Variants in ARHGAP27 observed in about 807,000 individuals in gnomAD.
ARHGAP27 encodes the protein Rho GTPase activating protein 27, also known as rho GTPase-activating protein 27.
In ARHGAP27, 53 loss-of-function variants were observed where a neutral mutation model predicts 102.0. The ratio of observed to expected loss-of-function variants is 0.52; its 90% confidence interval spans 0.42 to 0.65. The LOEUF (loss-of-function observed/expected upper bound fraction) is 0.65, where lower values mean the gene tolerates loss of function less well. ARHGAP27 is among the 30% of genes least tolerant of loss of function. ARHGAP27 has a pLI of 0.00. For synonymous variants in ARHGAP27, 525 were observed against 542.8 expected (o/e 0.97, Z 0.46); for missense variants, 1,117 against 1,256.2 (o/e 0.89, Z 1.68).
chr17:45,418,758 C>T (rs950229065), intron 4 of ARHGAP27, among the ~76,000 whole-genome samples: 2 of 152,058 alleles, frequency 1.3e-5, no homozygotes, highest in Non-Finnish European at 2.9e-5. Context: ...CCAGGGGAAC[C>T]TTGGGGCAGG....
At chr17:45,397,134 T>C (rs2045844887) in intron 13 of ARHGAP27, 110 bp from the exon 14 acceptor site, 12 of 1,503,912 alleles carry the variant, frequency 8.0e-6, no homozygotes, top group African/African-American at 2.8e-5. Flanking sequence ...CTGGAGACCC[T>C]CAGCGAAGAG....
rs1281458069 is a variant in ARHGAP27 at position 45,430,292 on chromosome 17, GT to G, written c.-14del. 3 of 1,558,498 alleles carry G rather than the reference GT, an allele frequency of 1.9e-6. No individual in the cohort carries two copies. The highest frequency in any genetic ancestry group is 1.9e-5 in the Admixed American group (1 of 53,384). On this transcript the variant is annotated 5_prime_UTR_variant, in exon 4 of 20. Coordinates refer to ENST00000685559, the MANE Select transcript of ARHGAP27 (RefSeq NM_001282290.2). The surrounding 1 kb of genome is among the most constrained non-coding windows in gnomAD (Gnocchi z 4.4). Reference sequence around the variant, plus strand: ...CGTCCGCCGCCATCGCAGCCGCGGCGTTTTCCTGCGGGCAACAAGAAGGAGG... The same window carrying G: ...CGTCCGCCGCCATCGCAGCCGCGGCGTTTCCTGCGGGCAACAAGAAGGAGG...
rs1306389096 is a variant in ARHGAP27 at position 45,394,653 on chromosome 17, C to T, written c.*803G>A. On this transcript the variant is annotated 3_prime_UTR_variant, in exon 20 of 20. Coordinates refer to ENST00000685559, the MANE Select transcript of ARHGAP27 (RefSeq NM_001282290.2). The stretch of plus-strand genomic sequence containing the variant: ...AGGCTGTACTCTGGTGTGGGAGGAG[C>T]CTTTTCTGGGGAATGAGGTCACTCA... The T allele has an allele frequency of 6.6e-6, 1 of 152,312 alleles. No individual in the cohort carries two copies. Among genetic ancestry groups the T allele is most frequent in the Non-Finnish European group, 1.5e-5 (1 of 68,098 alleles). 9.4% of individuals were successfully genotyped at this position (152,312 alleles called of 1,614,324 possible).
chr17:45,408,934 G>A (rs1176216769), intron 4 of ARHGAP27: 2 of 152,252 alleles, frequency 1.3e-5, no homozygotes, highest in Non-Finnish European at 1.5e-5. Flanking sequence ...GATTCCATTT[G>A]CCCCCCAGCA....
At chr17:45,404,133 T>C in intron 9 of ARHGAP27, 37 bp from the exon 10 acceptor site, 6 of 1,612,786 alleles carry the variant, frequency 3.7e-6, no homozygotes, top group Non-Finnish European at 5.1e-6. Context: ...CAAGAGTGTG[T>C]AGTTAAGGGG....
rs1238952220 is a variant in ARHGAP27, at chr17:45,429,805, C to G, written c.475G>C (p.Asp159His). ...APVRPAQSLN[D>H]LACAAVSPPA... Reference sequence around the variant, plus strand: ...GGCGAGACGGCGGCGCAGGCCAGGTCGTTCAGGGACTGCGCGGGCCGCACG... The same window carrying G: ...GGCGAGACGGCGGCGCAGGCCAGGTGGTTCAGGGACTGCGCGGGCCGCACG... The change falls in exon 4 of 20, where the codon GAC (aspartate) becomes CAC (histidine). Residue 159 changes from aspartate (D) to histidine (H), a missense_variant. Asp to His is a moderately conservative substitution (Grantham distance 81, BLOSUM62 -1). Coordinates refer to ENST00000685559, the MANE Select transcript of ARHGAP27 (RefSeq NM_001282290.2). 1 of 1,505,284 alleles carries G rather than the reference C, an allele frequency of 6.6e-7. No homozygotes were observed. The allele number at this position is 1,505,284 out of a possible 1,614,324, so 93.2% of individuals were successfully genotyped here.
chr17:45,403,609 C>A lies in ARHGAP27; in HGVS notation c.1638+10G>T. The stretch of plus-strand genomic sequence containing the variant: ...ATGGGATGGTCCCTGCCCTGAGGGC[C>A]TGGCCTTACCAGGCCGCCTGCAGCC... On this transcript the variant is annotated intron_variant, in intron 11 of 19. Transcript: ENST00000685559. 1 of 1,609,704 alleles carries A rather than the reference C, an allele frequency of 6.2e-7. No individual in the cohort carries two copies. The highest frequency in any genetic ancestry group is 8.5e-7 in the Non-Finnish European group (1 of 1,177,144).
chr17:45,405,730 C>G lies in ARHGAP27; in HGVS notation c.1011G>C (p.Glu337Asp). 1 of 1,603,078 alleles carries G rather than the reference C, an allele frequency of 6.2e-7. No individual in the cohort carries two copies. Among genetic ancestry groups the G allele is most frequent in the Non-Finnish European group, 8.5e-7 (1 of 1,179,626 alleles). Residue 337 changes from glutamate (E) to aspartate (D), a missense_variant, in exon 5 of 20, where the codon GAG becomes GAC. Glu to Asp is a conservative substitution (Grantham distance 45). This residue lies in a region of ARHGAP27 where 610 missense variants were observed against 716.4 expected (regional missense o/e 0.85). Coordinates refer to ENST00000685559, the MANE Select transcript of ARHGAP27 (RefSeq NM_001282290.2). ...AWEDEAENEPEEELEMQPGLS... is the reference protein window; with the variant it reads ...AWEDEAENEPDEELEMQPGLS... ...GGCCCGGCTGCATCTCCAACTCCTC[C>G]TCGGGCTCGTTCTCGGCCTCGTCCT...
chr17:45,405,862 G>A lies in ARHGAP27; in HGVS notation c.879C>T (p.Ala293=), dbSNP rs1347232428. ...EGAASPATSP[A]SVDSHVSLET... is the part of the protein sequence containing the mutation. ...CAAGGCTCACGTGGCTGTCCACCGA[G>A]GCAGGGGAGGTGGCTGGGCTGGCGG... is the stretch of plus-strand genomic sequence containing the variant. The change falls in exon 5 of 20, where the codon GCC becomes GCT. Residue 293 remains alanine, a synonymous_variant. Coordinates refer to ENST00000685559, the MANE Select transcript of ARHGAP27 (RefSeq NM_001282290.2). 2 of 1,536,222 alleles carry A rather than the reference G, an allele frequency of 1.3e-6. No homozygotes were observed. Among genetic ancestry groups the A allele is most frequent in the Admixed American group, 2.0e-5 (1 of 51,010 alleles).
Position 45,427,641 on chromosome 17 carries a change from G to A in ARHGAP27, c.657+1982C>T, listed in dbSNP as rs370325446. On this transcript the variant is annotated intron_variant, in intron 4 of 19. Transcript: ENST00000685559. The surrounding 1 kb of genome is among the most constrained non-coding windows in gnomAD (Gnocchi z 4.5). ...CCAGGGAGACCCACAGCTGCCTCTT[G>A]AATAAAGCTCTGTGGCAGGGAACGT... Among the ~76,000 whole-genome samples, 2 of 152,202 alleles carry A rather than the reference G, an allele frequency of 1.3e-5. No individual in the cohort carries two copies. Among genetic ancestry groups the A allele is most frequent in the Non-Finnish European group, 2.9e-5 (2 of 68,032 alleles).
chr17:45,404,030 G>A lies in ARHGAP27; in HGVS notation c.1546C>T (p.Arg516Trp), dbSNP rs745486462. ...TKTADKGKRL[R>W]KKHWSASWTV... is the part of the protein sequence containing the mutation. Reference sequence around the variant, plus strand: ...GCCTGAGTGTAGATGGGCTCTCACCGGAGCCGCTTTCCCTTGTCTGCCGTC... The same window carrying A: ...GCCTGAGTGTAGATGGGCTCTCACCAGAGCCGCTTTCCCTTGTCTGCCGTC... The change falls in exon 10 of 20, where the codon CGG becomes TGG. Residue 516 changes from arginine (R) to tryptophan (W), a missense_variant and splice_region_variant. Physicochemically the swap from Arg to Trp is moderately radical, Grantham distance 101. Coordinates refer to ENST00000685559, the MANE Select transcript of ARHGAP27 (RefSeq NM_001282290.2). 8.1e-6 allele frequency: 13 copies of A among 1,613,586 alleles called. No individual in the cohort carries two copies. The highest frequency in any genetic ancestry group is 1.6e-4 in the Middle Eastern group (1 of 6,068).
chr17:45,395,425 C>A lies in ARHGAP27; in HGVS notation c.*31G>T, dbSNP rs1326526427. On this transcript the variant is annotated 3_prime_UTR_variant, in exon 20 of 20. Coordinates refer to ENST00000685559, the MANE Select transcript of ARHGAP27 (RefSeq NM_001282290.2). Reference sequence around the variant, plus strand: ...CGCCGCCCAGCTTGTGTGGCAGGACCGCGGCCGCCGCCCCAGTCACAGGCC... The same window carrying A: ...CGCCGCCCAGCTTGTGTGGCAGGACAGCGGCCGCCGCCCCAGTCACAGGCC... 2.6e-6 allele frequency: 4 copies of A among 1,534,610 alleles called. No homozygotes were observed. The highest frequency in any genetic ancestry group is 3.5e-4 in the Middle Eastern group (2 of 5,754).
rs746672599 is a variant in ARHGAP27 at position 45,396,195 on chromosome 17, G to C, written c.2251+12C>G. 6.2e-7 allele frequency: 1 copy of C among 1,604,938 alleles called. No individual in the cohort carries two copies. The highest frequency in any genetic ancestry group is 1.1e-5 in the South Asian group (1 of 89,760). ...TTCAGGCCCTGGGGCAGGGGTTGGG[G>C]ACGGGCCTCACCGTGGTCCACCTTA... On this transcript the variant is annotated intron_variant, in intron 17 of 19. Transcript: ENST00000685559.
chr17:45,395,790 C>G lies in ARHGAP27; in HGVS notation c.2446G>C (p.Ala816Pro), dbSNP rs754351650. Residue 816 changes from alanine to proline, a missense_variant, in exon 19 of 20, where the codon GCT (alanine) becomes CCT (proline). Coordinates refer to ENST00000685559, the MANE Select transcript of ARHGAP27 (RefSeq NM_001282290.2). Reference sequence around the variant, plus strand: ...ATCCGCAGAGTGTCGTGGTTGGGAGCGGGCAGCGAGCGCACCAAGTCACGC... The same window carrying G: ...ATCCGCAGAGTGTCGTGGTTGGGAGGGGGCAGCGAGCGCACCAAGTCACGC... The part of the protein sequence containing the change: ...CVRDLVRSLP[A>P]PNHDTLRMLF... The G allele has an allele frequency of 1.9e-6, 3 of 1,604,994 alleles. No individual in the cohort carries two copies. Among genetic ancestry groups the G allele is most frequent in the African/African-American group, 2.7e-5 (2 of 74,772 alleles).
In ARHGAP27 at chr17:45,395,489, C is replaced by A. The variant is rs1277431449; in HGVS notation, c.2637G>T (p.Leu879=). 1 of 1,583,508 alleles carries A rather than the reference C, an allele frequency of 6.3e-7. No homozygotes were observed. The highest frequency in any genetic ancestry group is 8.6e-7 in the Non-Finnish European group (1 of 1,164,040). Residue 879 remains leucine (L), a synonymous_variant, in exon 20 of 20, where the codon CTG becomes CTT. Coordinates refer to ENST00000685559, the MANE Select transcript of ARHGAP27 (RefSeq NM_001282290.2). ...VFQNQVVELI[L]QQCADIFPPH is the part of the protein sequence containing the mutation. ...GCGGGAAGATGTCCGCGCACTGCTGCAGGATGAGCTCCACCACCTGGTTCT... is the reference window on the plus strand; with the variant it reads ...GCGGGAAGATGTCCGCGCACTGCTGAAGGATGAGCTCCACCACCTGGTTCT...
intron 3 of ARHGAP27, among the ~76,000 whole-genome samples, chr17:45,431,147 T>C (rs1360086206): frequency 6.6e-6 from 1 of 151,738 alleles, no homozygotes; most frequent in East Asian, 1.9e-4. Flanking sequence ...GAATGCACTC[T>C]GAGACAGTGA....
intron 12 of ARHGAP27, 65 bp downstream of exon 12, chr17:45,402,649 G>T: frequency 1.4e-6 from 2 of 1,430,476 alleles, no homozygotes; most frequent in South Asian, 2.3e-5. Context: ...CAGGTCAATA[G>T]TTGTCAGAGA....
intron 4 of ARHGAP27, chr17:45,429,293 G>T (rs1429336868): frequency 2.4e-6 from 2 of 821,108 alleles, no homozygotes; most frequent in Non-Finnish European, 3.4e-6. Flanking sequence ...TTGCATTTCT[G>T]CAGCGAAACA....
At position 45,395,416 on chromosome 17, in the gene ARHGAP27, T is replaced by G. The variant is rs1485391396; in HGVS notation, c.*40A>C. The G allele has an allele frequency of 1.3e-6, 2 of 1,529,174 alleles. No homozygotes were observed. Among genetic ancestry groups the G allele is most frequent in the Admixed American group, 4.0e-5 (2 of 49,568 alleles). 94.7% of individuals were successfully genotyped at this position (1,529,174 alleles called of 1,614,324 possible). A position where few individuals can be genotyped will look rare whatever the true frequency, so the allele number is the denominator to read the frequency against. On this transcript the variant is annotated 3_prime_UTR_variant, in exon 20 of 20. Transcript: ENST00000685559. ...CGTGGCCTCCGCCGCCCAGCTTGTG[T>G]GGCAGGACCGCGGCCGCCGCCCCAG...
Sources: allele counts gnomAD v4.1 joint callset (sites outside exome capture counted in the v4.1 genomes callset), GRCh38; gene constraint gnomAD v4.1.1; regional missense constraint gnomAD v4.1.1; non-coding constraint Gnocchi (gnomAD v3.1); transcripts MANE v1.5; gene names NCBI Gene and HGNC (gene_info 2026-07-23, HGNC 2026-07-21).